NDUFAF7: variants seen among roughly 807,000 people sequenced by gnomAD.
NDUFAF7 encodes NADH:ubiquinone oxidoreductase complex assembly factor 7.
In NDUFAF7, 48 loss-of-function variants were observed where a neutral mutation model predicts 47.2. The observed-to-expected ratio is 1.02, with a 90% CI of 0.81 to 1.29. The LOEUF (loss-of-function observed/expected upper bound fraction) is 1.29. Among genes scored for constraint, NDUFAF7 ranks in the 50% most tolerant of loss-of-function variants. NDUFAF7 has a pLI of 0.00. For synonymous variants in NDUFAF7, 217 were observed against 190.0 expected (o/e 1.14, Z -1.17); for missense variants, 635 against 537.6 (o/e 1.18, Z -1.79).
chr2:37,269,133 T>A, the NDUFAF7 span: 1,167 of 168,188 alleles, frequency 6.9e-3, 5 homozygotes, highest in Non-Finnish European at 9.0e-3. Context: ...CATTAAACAG[T>A]TGAAGATGCT....
At chr2:37,253,288 T>C (rs150747521), downstream of NDUFAF7, 229 of 1,613,246 alleles carry the variant, frequency 1.4e-4, no homozygotes, top group Non-Finnish European at 1.8e-4. Context: ...CACTTTCATG[T>C]GTAATGTAAC....
At chr2:37,256,848 A>G (rs746175345), downstream of NDUFAF7, 4 of 1,614,046 alleles carry the variant, frequency 2.5e-6, no homozygotes, top group South Asian at 4.4e-5. Context: ...TCAGGGGCTA[A>G]GTATGCTGGA....
downstream of NDUFAF7, among the ~76,000 whole-genome samples, chr2:37,249,615 G>A (rs1333148898): frequency 1.7e-5 from 2 of 120,988 alleles, no homozygotes; most frequent in South Asian, 2.8e-4. Flanking sequence ...AGGGGAGATC[G>A]CTCCGTTGCA....
At chr2:37,251,125 T>C (rs996796199), downstream of NDUFAF7, 16 of 152,610 alleles carry the variant, frequency 1.0e-4, no homozygotes, top group Admixed American at 2.6e-4. Flanking sequence ...TTCCATTTTG[T>C]GTGTGTTGAT....
intron 8 of NDUFAF7, among the ~76,000 whole-genome samples, chr2:37,246,669 A>G (rs1666943410): frequency 6.6e-6 from 1 of 152,270 alleles, no homozygotes; most frequent in East Asian, 1.9e-4. Context: ...TGATCTTTGA[A>G]TATAATCAAT....
chr2:37,260,474 CAGAA>C, the NDUFAF7 span: 29 of 1,191,430 alleles, frequency 2.4e-5, 1 homozygote, highest in Middle Eastern at 2.0e-4. Context: ...TGAAATGGCA[CAGAA>C]AGAAAGCCTA....
the NDUFAF7 span, among the ~76,000 whole-genome samples, chr2:37,271,239 A>C: frequency 6.6e-6 from 1 of 152,208 alleles, no homozygotes; most frequent in Non-Finnish European, 1.5e-5. Flanking sequence ...TTTTCTCTCT[A>C]GTCCAGGGGT....
downstream of NDUFAF7, among the ~76,000 whole-genome samples, chr2:37,257,626 G>A (rs1413636148): frequency 3.0e-5 from 4 of 135,088 alleles, no homozygotes; most frequent in African/African-American, 5.5e-5. Flanking sequence ...AGATTACGCC[G>A]CTGCAATCCA....
chr2:37,235,639 C>T (rs1362715527), intron 2 of NDUFAF7, among the ~76,000 whole-genome samples: 1 of 149,758 alleles, frequency 6.7e-6, no homozygotes, highest in Non-Finnish European at 1.5e-5. Flanking sequence ...ATTTCCCTTG[C>T]TTATTTATTT....
In NDUFAF7 at chr2:37,241,589, A is replaced by G. The variant is rs749318045; in HGVS notation, c.420A>G (p.Gln140=). Residue 140 remains glutamine, a synonymous_variant, in exon 5 of 10, where the codon CAA becomes CAG. Transcript: ENST00000002125. ...LVGDILRVFT[Q]LGSVLKNCDI... ...CTTTTGGTATTTAGGTGTTCACTCA[A>G]CTTGGATCTGTGCTGAAAAATTGTG... The G allele has an allele frequency of 8.1e-6, 13 of 1,613,472 alleles. No individual in the cohort carries two copies. The highest frequency in any genetic ancestry group is 3.3e-5 in the Admixed American group (2 of 59,968).
chr2:37,251,880 G>GAAGA (rs539258694), downstream of NDUFAF7: 2 of 137,000 alleles, frequency 1.5e-5, no homozygotes, highest in East Asian at 4.1e-4. Flanking sequence ...GAGTGGAGAA[G>GAAGA]AAAAAAAAAA....
At chr2:37,251,988 A>AT (rs1419406944), downstream of NDUFAF7, 2 of 152,176 alleles carry the variant, frequency 1.3e-5, no homozygotes, top group Non-Finnish European at 2.9e-5. Context: ...ATTTAAAAAT[A>AT]TTTTTTAAAT....
At chr2:37,265,632 A>G in the NDUFAF7 span, among the ~76,000 whole-genome samples, 5 of 152,174 alleles carry the variant, frequency 3.3e-5, no homozygotes, top group African/African-American at 1.2e-4. Flanking sequence ...AAAGTACTTA[A>G]GTATAAATGC....
chr2:37,269,568 GT>G, the NDUFAF7 span: 2 of 1,512,280 alleles, frequency 1.3e-6, no homozygotes, highest in Non-Finnish European at 1.8e-6. Flanking sequence ...ACATTTTCCA[GT>G]TTTTAAAATA....
chr2:37,262,841 C>T, the NDUFAF7 span, among the ~76,000 whole-genome samples: 11 of 152,108 alleles, frequency 7.2e-5, no homozygotes, highest in African/African-American at 2.7e-4. Context: ...TACCCATTTT[C>T]TCCAAGTTTC....
the NDUFAF7 span, among the ~76,000 whole-genome samples, chr2:37,270,320 C>T: frequency 1.4e-5 from 2 of 145,228 alleles, no homozygotes; most frequent in South Asian, 4.4e-4. Flanking sequence ...CCTATTTTAC[C>T]TTTAAGGAGA....
chr2:37,249,634 T>A (rs1667309404), downstream of NDUFAF7, among the ~76,000 whole-genome samples: 1 of 74,724 alleles, frequency 1.3e-5, no homozygotes, highest in African/African-American at 7.5e-5. Context: ...CACTGTAGCC[T>A]GTGATAGAGA....
chr2:37,252,209 A>C (rs1667556755), downstream of NDUFAF7: 1 of 152,222 alleles, frequency 6.6e-6, no homozygotes, highest in Admixed American at 6.5e-5. Context: ...ACTGTTTGCT[A>C]TACAGTAACT....
chr2:37,261,649 G>A, the NDUFAF7 span, among the ~76,000 whole-genome samples: 2 of 143,120 alleles, frequency 1.4e-5, no homozygotes, highest in South Asian at 2.2e-4. Flanking sequence ...GTGTGGTGGC[G>A]CAAGCCTGTA....
Sources: allele counts gnomAD v4.1 joint callset (sites outside exome capture counted in the v4.1 genomes callset), GRCh38; gene constraint gnomAD v4.1.1; transcripts MANE v1.5; gene names NCBI Gene and HGNC (gene_info 2026-07-23, HGNC 2026-07-21).